REV3L: variants seen among roughly 807,000 people sequenced by gnomAD.
The protein encoded by REV3L is REV3 like, DNA directed polymerase zeta catalytic subunit.
REV3L carries 69 observed loss-of-function variants against 299.4 expected under a neutral mutation model. That is an observed-to-expected ratio of 0.23 (90% CI 0.19 to 0.28). The LOEUF is 0.28. Ranked by LOEUF, REV3L falls within the 10% of genes least tolerant of loss-of-function variation. REV3L has a pLI of 1.00. For missense variants in REV3L, 3,128 were observed against 3,693.8 expected (o/e 0.85, Z 3.97); for synonymous variants, 1,238 against 1,271.4 (o/e 0.97, Z 0.56).
chr6:111,439,384 T>C (rs749854045), intron 1 of REV3L, among the ~76,000 whole-genome samples: 3 of 152,166 alleles, frequency 2.0e-5, no homozygotes, highest in Non-Finnish European at 4.4e-5. Context: ...GACAAGAGGC[T>C]TGAAGATAAG....
At chr6:111,303,975 C>A (rs1771969560) in intron 31 of REV3L, among the ~76,000 whole-genome samples, 1 of 152,090 alleles carries the variant, frequency 6.6e-6, no homozygotes, top group African/African-American at 2.4e-5. Context: ...CTGCCTTGGC[C>A]TCCCAAAGTG....
intron 1 of REV3L, among the ~76,000 whole-genome samples, chr6:111,416,679 A>G (rs1232872039): frequency 2.0e-5 from 3 of 152,258 alleles, no homozygotes; most frequent in Non-Finnish European, 4.4e-5. Context: ...CAAGCATTGT[A>G]TAACAGTATG....
chr6:111,426,722 A>G (rs1786229824), intron 1 of REV3L, among the ~76,000 whole-genome samples: 1 of 152,266 alleles, frequency 6.6e-6, no homozygotes, highest in African/African-American at 2.4e-5. Flanking sequence ...ATTGTTATAG[A>G]AAGTAAATCA....
At chr6:111,359,348 G>A (rs1017933982) in intron 16 of REV3L, among the ~76,000 whole-genome samples, 5 of 151,876 alleles carry the variant, frequency 3.3e-5, no homozygotes, top group African/African-American at 7.2e-5. Context: ...AGTCTGTCAC[G>A]TTTTACTCTT....
chr6:111,310,899 C>T (rs1772900778), intron 29 of REV3L, 170 bp downstream of exon 29: 1 of 458,114 alleles, frequency 2.2e-6, no homozygotes, highest in Non-Finnish European at 3.8e-6. Flanking sequence ...ATTTCCTCTT[C>T]ACATCTTACG....
chr6:111,335,021 G>C (rs1019330473), intron 22 of REV3L, among the ~76,000 whole-genome samples: 2 of 152,026 alleles, frequency 1.3e-5, no homozygotes, highest in African/African-American at 4.8e-5. Flanking sequence ...AAATTACTTA[G>C]ATATGAATTA....
At chr6:111,364,993 A>G (rs1303606260) in intron 15 of REV3L, among the ~76,000 whole-genome samples, 1 of 152,022 alleles carries the variant, frequency 6.6e-6, no homozygotes, top group Admixed American at 6.6e-5. Context: ...TAATCAGTTA[A>G]TGTATTTGTA....
chr6:111,432,496 G>C (rs959632858), intron 1 of REV3L, among the ~76,000 whole-genome samples: 2 of 152,184 alleles, frequency 1.3e-5, no homozygotes, highest in African/African-American at 4.8e-5. Context: ...AATTCAGCAA[G>C]AGGATATAAC....
At chr6:111,467,235 G>A (rs940963580) in intron 1 of REV3L, among the ~76,000 whole-genome samples, 2 of 152,190 alleles carry the variant, frequency 1.3e-5, no homozygotes, top group African/African-American at 4.8e-5. Flanking sequence ...TTATACAAAA[G>A]TCAAGGGAAA....
chr6:111,311,538 C>T (rs1582455152), intron 28 of REV3L: 1 of 230,514 alleles, frequency 4.3e-6, no homozygotes, highest in Non-Finnish European at 8.3e-6. Context: ...CAACATAAAA[C>T]ACGTTAAGTT....
rs1287972491 is a variant in REV3L, at chr6:111,483,074, C to A, written c.-186G>T. ...GTAGGCGCTGCTGCCGCCGCCTCCT[C>A]AGGAGCACCCGGCAAGGGGCCGCAG... is the stretch of plus-strand genomic sequence containing the variant. On this transcript the variant is annotated 5_prime_UTR_variant, in exon 1 of 32. An upstream open reading frame in the 5' UTR loses its in-frame stop. Transcript: ENST00000368802. 4.6e-6 allele frequency: 3 copies of A among 650,144 alleles called. No individual in the cohort carries two copies. Among genetic ancestry groups the A allele is most frequent in the Non-Finnish European group, 7.0e-6 (3 of 428,298 alleles). 40.3% of individuals were successfully genotyped at this position (650,144 alleles called of 1,614,324 possible). A position where few individuals can be genotyped will look rare whatever the true frequency, so the allele number is the denominator to read the frequency against.
intron 1 of REV3L, among the ~76,000 whole-genome samples, chr6:111,472,592 C>T (rs907751812): frequency 6.7e-6 from 1 of 150,266 alleles, no homozygotes; most frequent in Non-Finnish European, 1.5e-5. Flanking sequence ...AAAAAAAAAA[C>T]CACGAAATTT....
At chr6:111,326,589 C>T (rs1411859580) in intron 25 of REV3L, among the ~76,000 whole-genome samples, 1 of 147,480 alleles carries the variant, frequency 6.8e-6, no homozygotes, top group Non-Finnish European at 1.5e-5. Flanking sequence ...TCCAGATATC[C>T]CACTGCTGGG....
chr6:111,392,635 TAAC>T, intron 5 of REV3L: 1 of 306,716 alleles, frequency 3.3e-6, no homozygotes, highest in South Asian at 9.7e-5. Flanking sequence ...CAGAAAAGTA[TAAC>T]AATATCTACC....
chr6:111,307,818 TTAAG>T (rs1168677760), intron 30 of REV3L: 3 of 455,746 alleles, frequency 6.6e-6, no homozygotes, highest in Non-Finnish European at 1.2e-5. Context: ...TTATTATAAT[TTAAG>T]TTCTAGGGTA....
At chr6:111,430,916 G>T in intron 1 of REV3L, 1 of 1,603,608 alleles carries the variant, frequency 6.2e-7, no homozygotes, top group Non-Finnish European at 8.5e-7. Flanking sequence ...AGGAGAGCCA[G>T]GCTACTGCCC....
chr6:111,424,537 T>C (rs938590438), intron 1 of REV3L, among the ~76,000 whole-genome samples: 2 of 152,226 alleles, frequency 1.3e-5, no homozygotes, highest in African/African-American at 4.8e-5. Flanking sequence ...CATTTTAACT[T>C]GTTCTAATCT....
chr6:111,447,757 T>A (rs758820371), intron 1 of REV3L, among the ~76,000 whole-genome samples: 1 of 152,170 alleles, frequency 6.6e-6, no homozygotes, highest in African/African-American at 2.4e-5. Context: ...CAGACTATAG[T>A]TGGTCAACCC....
At chr6:111,360,435 T>A (rs1778530216) in intron 16 of REV3L, among the ~76,000 whole-genome samples, 1 of 151,974 alleles carries the variant, frequency 6.6e-6, no homozygotes, top group Non-Finnish European at 1.5e-5. Flanking sequence ...GTATATATAC[T>A]ATTGCATGTG....
Sources: gnomAD v4.1 joint callset for allele counts (sites outside exome capture counted in the v4.1 genomes callset) on GRCh38, gnomAD v4.1.1 for gene constraint, MANE v1.5 for transcripts, NCBI Gene and HGNC (gene_info 2026-07-23, HGNC 2026-07-21) for gene names.